Variants in CSMD1 observed in about 807,000 individuals in gnomAD.
The protein encoded by CSMD1 is CUB and sushi domain-containing protein 1.
A neutral mutation model predicts 417.5 loss-of-function variants in CSMD1; 213 were observed. The ratio of observed to expected loss-of-function variants is 0.51; its 90% CI spans 0.46 to 0.57. CSMD1 has a LOEUF of 0.57. Among genes scored for constraint, CSMD1 ranks in the 20% least tolerant of loss-of-function variants. CSMD1 has a pLI of 0.00. For missense variants in CSMD1, 6,923 were observed against 4,529.7 expected (o/e 1.53, Z -15.17); for synonymous variants, 2,862 against 1,736.8 (o/e 1.65, Z -16.11).
intron 3 of CSMD1, among the ~76,000 whole-genome samples, chr8:4,269,001 G>T (rs1585129228): frequency 6.6e-6 from 1 of 152,042 alleles, no homozygotes. Context: ...TTAATTTCCT[G>T]ATTGCAAAGT....
At chr8:3,712,500 C>A (rs981868758) in intron 6 of CSMD1, among the ~76,000 whole-genome samples, 1 of 152,076 alleles carries the variant, frequency 6.6e-6, no homozygotes, top group African/African-American at 2.4e-5. Context: ...TCACCTATGG[C>A]AAATCCCTGC....
intron 12 of CSMD1, among the ~76,000 whole-genome samples, chr8:3,413,455 G>C (rs944479869): frequency 3.3e-5 from 5 of 152,200 alleles, no homozygotes; most frequent in African/African-American, 1.2e-4. Flanking sequence ...GACAGAACCT[G>C]TGTTGGACAA....
intron 7 of CSMD1, among the ~76,000 whole-genome samples, chr8:3,689,776 G>C (rs976692444): frequency 3.3e-5 from 5 of 152,152 alleles, no homozygotes; most frequent in East Asian, 1.9e-4. Flanking sequence ...GAGTTATAAA[G>C]TGATTTTCAC....
chr8:4,329,676 C>G (rs772629408), intron 3 of CSMD1, among the ~76,000 whole-genome samples: 8 of 152,084 alleles, frequency 5.3e-5, no homozygotes, highest in Non-Finnish European at 1.2e-4. Context: ...ACCCAAATCT[C>G]ATGTTGAGAT....
At chr8:3,655,856 G>T (rs1252104077) in intron 7 of CSMD1, among the ~76,000 whole-genome samples, 1 of 152,096 alleles carries the variant, frequency 6.6e-6, no homozygotes, top group African/African-American at 2.4e-5. Context: ...CGGAAAACCT[G>T]TCAGACTTCA....
chr8:3,286,841 G>C (rs540612530), intron 25 of CSMD1, among the ~76,000 whole-genome samples: 2 of 152,084 alleles, frequency 1.3e-5, no homozygotes, highest in Admixed American at 6.6e-5. Context: ...GATCCCATTT[G>C]TCAATTTTGG....
intron 1 of CSMD1, among the ~76,000 whole-genome samples, chr8:4,900,950 C>T (rs932363145): frequency 2.5e-4 from 38 of 152,298 alleles, no homozygotes; most frequent in African/African-American, 8.9e-4. Flanking sequence ...ACAGTGCGGC[C>T]ACATGGCAAG....
chr8:3,653,828 T>C (rs1347204911), intron 7 of CSMD1, among the ~76,000 whole-genome samples: 2 of 152,190 alleles, frequency 1.3e-5, no homozygotes, highest in South Asian at 2.1e-4. Context: ...ATTTGATAGA[T>C]TTAAATATAT....
At chr8:3,347,756 G>C (rs937078300) in intron 22 of CSMD1, among the ~76,000 whole-genome samples, 1 of 152,162 alleles carries the variant, frequency 6.6e-6, no homozygotes, top group Non-Finnish European at 1.5e-5. Context: ...TAAGGTGCTG[G>C]ACTGATAAAT....
At chr8:3,993,965 C>A (rs1331154095) in intron 5 of CSMD1, among the ~76,000 whole-genome samples, 1 of 152,092 alleles carries the variant, frequency 6.6e-6, no homozygotes, top group Admixed American at 6.6e-5. Context: ...AACATAAAGA[C>A]AGGGATGGGT....
intron 10 of CSMD1, among the ~76,000 whole-genome samples, chr8:3,544,776 G>C (rs1244592707): frequency 1.3e-5 from 2 of 152,074 alleles, no homozygotes; most frequent in African/African-American, 4.8e-5. Context: ...TCTTAGAAAT[G>C]TTGTTTGCTT....
At chr8:4,048,236 C>G (rs186262556) in intron 3 of CSMD1, among the ~76,000 whole-genome samples, 1 of 152,238 alleles carries the variant, frequency 6.6e-6, no homozygotes, top group Admixed American at 6.5e-5. Flanking sequence ...TTATTAGTCA[C>G]TGAGATTAGA....
chr8:4,115,410 C>T (rs1037415497), intron 3 of CSMD1, among the ~76,000 whole-genome samples: 4 of 152,146 alleles, frequency 2.6e-5, no homozygotes, highest in East Asian at 1.9e-4. Flanking sequence ...CAACATATTC[C>T]TATGATTCAT....
intron 5 of CSMD1, among the ~76,000 whole-genome samples, chr8:3,937,078 G>A (rs1020033480): frequency 2.6e-5 from 4 of 152,160 alleles, no homozygotes; most frequent in Non-Finnish European, 5.9e-5. Flanking sequence ...ATTAGAAGTA[G>A]AACTGAATTG....
intron 7 of CSMD1, among the ~76,000 whole-genome samples, chr8:3,652,619 G>T (rs1009309016): frequency 6.6e-6 from 1 of 152,104 alleles, no homozygotes; most frequent in Admixed American, 6.5e-5. Context: ...CTCGCGCAAG[G>T]GAGCTCCCAT....
At chr8:3,780,879 G>C (rs953006320) in intron 5 of CSMD1, among the ~76,000 whole-genome samples, 5 of 152,226 alleles carry the variant, frequency 3.3e-5, no homozygotes, top group African/African-American at 4.8e-5. Flanking sequence ...GATTTGCAGA[G>C]TGTGGAAGGG....
intron 10 of CSMD1, among the ~76,000 whole-genome samples, chr8:3,543,034 T>C (rs1798506344): frequency 6.6e-6 from 1 of 152,112 alleles, no homozygotes; most frequent in Admixed American, 6.5e-5. Context: ...TGTTTGTGGG[T>C]GTGTTCTGTC....
intron 3 of CSMD1, among the ~76,000 whole-genome samples, chr8:4,162,858 T>A (rs1797249707): frequency 6.6e-6 from 1 of 152,176 alleles, no homozygotes; most frequent in Admixed American, 6.5e-5. Context: ...AGTATCACAC[T>A]GAGTAGTTTC....
chr8:3,339,634 C>A (rs1807510314), intron 23 of CSMD1, among the ~76,000 whole-genome samples: 1 of 152,220 alleles, frequency 6.6e-6, no homozygotes, highest in Non-Finnish European at 1.5e-5. Context: ...ACTCTGATAT[C>A]CAATGCTTCT....
Sources: allele counts gnomAD v4.1 joint callset (sites outside exome capture counted in the v4.1 genomes callset), GRCh38; gene constraint gnomAD v4.1.1; transcripts MANE v1.5; gene names NCBI Gene and HGNC (gene_info 2026-07-23, HGNC 2026-07-21).